Variants in TBC1D9B observed in about 807,000 individuals in gnomAD.
The protein encoded by TBC1D9B is TBC1 domain family, member 9B (with GRAM domain).
TBC1D9B carries 87 observed loss-of-function variants against 121.1 expected under a neutral mutation model. The ratio of observed to expected loss-of-function variants is 0.72; its 90% CI spans 0.60 to 0.86. The LOEUF (loss-of-function observed/expected upper bound fraction) is 0.86, where lower values mean the gene tolerates loss of function less well. Among genes scored for constraint, TBC1D9B ranks in the 40% least tolerant of loss-of-function variants. TBC1D9B has a pLI of 0.00. For missense variants in TBC1D9B, 1,540 were observed against 1,628.6 expected (o/e 0.95, Z 0.94); for synonymous variants, 668 against 670.1 (o/e 1.00, Z 0.05).
Position 179,893,379 on chromosome 5 carries a change from G to A in TBC1D9B, c.666C>T (p.Arg222=), listed in dbSNP as rs1225484906. 5.0e-6 allele frequency: 8 copies of A among 1,614,142 alleles called. No individual in the cohort carries two copies. The highest frequency in any genetic ancestry group is 1.7e-5 in the Admixed American group (1 of 60,020). ...LFPESIRVDT[R]DQELFFSMFL... ...ACATGGAGAAGAAGAGCTCCTGGTC[G>A]CGGGTGTCCACACGGATGCTCTCGG... is the stretch of plus-strand genomic sequence containing the variant. Residue 222 remains arginine (R), a synonymous_variant, in exon 5 of 21, where the codon CGC becomes CGT. Coordinates refer to ENST00000355235, the MANE Select transcript of TBC1D9B (RefSeq NM_015043.4).
chr5:179,867,945 C>G, intron 17 of TBC1D9B, 96 bp from the exon 18 acceptor site: 5 of 1,268,872 alleles, frequency 3.9e-6, no homozygotes, highest in Non-Finnish European at 4.2e-6. Context: ...CTTGCTTTCC[C>G]TGCCCACGAG....
At chr5:179,905,775 G>A (rs920581568) in intron 1 of TBC1D9B, among the ~76,000 whole-genome samples, 3 of 152,122 alleles carry the variant, frequency 2.0e-5, no homozygotes, top group East Asian at 1.9e-4. Flanking sequence ...TCCTTTTAAC[G>A]AAGTGCTGCT....
At chr5:179,899,114 G>T in intron 3 of TBC1D9B, 75 bp downstream of exon 3, 1 of 1,253,712 alleles carries the variant, frequency 8.0e-7, no homozygotes, top group Non-Finnish European at 1.1e-6. Context: ...ACATCGTGAA[G>T]ATGAAATAGG....
intron 2 of TBC1D9B, among the ~76,000 whole-genome samples, chr5:179,903,544 T>C (rs1482009526): frequency 6.6e-6 from 1 of 152,226 alleles, no homozygotes; most frequent in Non-Finnish European, 1.5e-5. Flanking sequence ...AACACAGGGT[T>C]AGGTTCCTGG....
intron 2 of TBC1D9B, among the ~76,000 whole-genome samples, chr5:179,903,290 TTC>T (rs1221143583): frequency 0.021 from 3,209 of 152,294 alleles, 132 homozygotes; most frequent in African/African-American, 0.072. Context: ...TACCGGGTGG[TTC>T]AGGCAAGTGC....
chr5:179,865,768 GA>G lies in TBC1D9B; in HGVS notation c.2914+69del. On this transcript the variant is annotated intron_variant, in intron 19 of 20. Coordinates refer to ENST00000355235, the MANE Select transcript of TBC1D9B (RefSeq NM_015043.4). This position sits in a 1 kb window ranked among gnomAD's most constrained non-coding sequence, Gnocchi z 5.1. The stretch of plus-strand genomic sequence containing the variant: ...AGGGGGCTCCCTGGCAGTGACTGGG[GA>G]AAAGACCAGCAAGCAAGGGTGCCTC... The G allele has an allele frequency of 2.0e-6, 3 of 1,509,986 alleles. No homozygotes were observed. Among genetic ancestry groups the G allele is most frequent in the African/African-American group, 1.4e-5 (1 of 71,860 alleles). 93.5% of individuals were successfully genotyped at this position (1,509,986 alleles called of 1,614,324 possible).
In TBC1D9B at chr5:179,893,461, A is replaced by T. The variant is rs149584609; in HGVS notation, c.584T>A (p.Leu195His). 7 of 1,600,104 alleles carry T rather than the reference A, an allele frequency of 4.4e-6. No individual in the cohort carries two copies. The highest frequency in any genetic ancestry group is 5.1e-6 in the Non-Finnish European group (6 of 1,171,258). ...CGTTATGTCCACCCACTGCACCACG[A>T]GGCTCACTGTGCCCACAGAGATAGA... is the stretch of plus-strand genomic sequence containing the variant. Reference protein sequence around the residue: ...YSFLLGKEVSLVVQWVDITRL... With the variant: ...YSFLLGKEVSHVVQWVDITRL... The change falls in exon 5 of 21, where the codon CTC becomes CAC. Residue 195 changes from leucine to histidine, a missense_variant. Coordinates refer to ENST00000355235, the MANE Select transcript of TBC1D9B (RefSeq NM_015043.4).
chr5:179,876,105 A>C (rs1179431281), intron 10 of TBC1D9B, 68 bp from the exon 11 acceptor site: 1 of 1,313,520 alleles, frequency 7.6e-7, no homozygotes, highest in Non-Finnish European at 1.1e-6. Flanking sequence ...GTCTCTCCCC[A>C]CCCCTCCCAG....
chr5:179,906,477 C>T (rs998227886), intron 1 of TBC1D9B, among the ~76,000 whole-genome samples: 3 of 152,264 alleles, frequency 2.0e-5, no homozygotes, highest in African/African-American at 4.8e-5. Flanking sequence ...GTTTCAAGTA[C>T]ACCAGCGAAT....
chr5:179,900,435 C>T (rs1179071252), intron 2 of TBC1D9B, among the ~76,000 whole-genome samples: 1 of 152,122 alleles, frequency 6.6e-6, no homozygotes, highest in Non-Finnish European at 1.5e-5. Context: ...CTGAATCATT[C>T]TCAGCTGTCC....
chr5:179,901,386 G>C (rs184607661), intron 2 of TBC1D9B, among the ~76,000 whole-genome samples: 1 of 152,186 alleles, frequency 6.6e-6, no homozygotes, highest in Admixed American at 6.5e-5. Flanking sequence ...TACATGTGGT[G>C]CAACTCTACT....
rs1299328581 is a variant in TBC1D9B, at chr5:179,890,337, T to C, written c.1044+1042A>G. ...CGAGCTCCGCCAGGGCTCTCTACCA[T>C]CTGAGATGTCAAGGGCCCGGCAGGA... On this transcript the variant is annotated intron_variant, in intron 6 of 20. Coordinates refer to ENST00000355235, the MANE Select transcript of TBC1D9B (RefSeq NM_015043.4). This position sits in a 1 kb window ranked among gnomAD's most constrained non-coding sequence, Gnocchi z 5.0. Among the ~76,000 whole-genome samples, 4 of 152,218 alleles carry C rather than the reference T, an allele frequency of 2.6e-5. No individual in the cohort carries two copies. The highest frequency in any genetic ancestry group is 4.4e-5 in the Non-Finnish European group (3 of 67,988).
chr5:179,896,113 T>G (rs1049293313), intron 3 of TBC1D9B, among the ~76,000 whole-genome samples: 20 of 152,336 alleles, frequency 1.3e-4, no homozygotes, highest in African/African-American at 4.8e-4. Context: ...CTTGGAAGCA[T>G]AAGCTGTTTT....
chr5:179,877,600 G>A (rs909583010), intron 10 of TBC1D9B, among the ~76,000 whole-genome samples: 1 of 149,224 alleles, frequency 6.7e-6, no homozygotes, highest in African/African-American at 2.5e-5. Flanking sequence ...GGTGGTAGAG[G>A]TTGCAGTGAG....
chr5:179,879,893 G>T, intron 7 of TBC1D9B, 104 bp from the exon 8 acceptor site: 1 of 1,330,724 alleles, frequency 7.5e-7, no homozygotes, highest in Non-Finnish European at 1.0e-6. Context: ...GTGCAAGAAG[G>T]GCCATGGGGG....
intron 7 of TBC1D9B, among the ~76,000 whole-genome samples, chr5:179,882,879 A>G (rs1760579647): frequency 6.6e-6 from 1 of 152,180 alleles, no homozygotes; most frequent in Non-Finnish European, 1.5e-5. Context: ...ACTGTATCAC[A>G]AAGTCTGATA....
chr5:179,878,149 G>T (rs774087224), intron 10 of TBC1D9B, among the ~76,000 whole-genome samples, 160 bp downstream of exon 10: 1 of 152,238 alleles, frequency 6.6e-6, no homozygotes, highest in Admixed American at 6.5e-5. Flanking sequence ...ATGGGGATGC[G>T]ATGAGCAATT....
intron 9 of TBC1D9B, among the ~76,000 whole-genome samples, 159 bp downstream of exon 9, chr5:179,878,888 C>CAGAGCCT (rs998753322): frequency 2.6e-5 from 4 of 152,066 alleles, no homozygotes; most frequent in Admixed American, 2.6e-4. Flanking sequence ...GGTCCCGGGC[C>CAGAGCCT]AGAGCCCAGA....
chr5:179,870,627 G>C (rs1052074155), intron 15 of TBC1D9B, 132 bp from the exon 16 acceptor site: 175 of 1,344,334 alleles, frequency 1.3e-4, no homozygotes, highest in Non-Finnish European at 1.6e-4. Context: ...GCACGGGCCA[G>C]ACACTGCAGC....
Sources: gnomAD v4.1 joint callset for allele counts (sites outside exome capture counted in the v4.1 genomes callset) on GRCh38, gnomAD v4.1.1 for gene constraint, Gnocchi (gnomAD v3.1) non-coding constraint, MANE v1.5 for transcripts, NCBI Gene and HGNC (gene_info 2026-07-23, HGNC 2026-07-21) for gene names.